Variants in STON2 observed in about 807,000 individuals in gnomAD.
STON2 encodes stonin 2.
In STON2, 29 loss-of-function variants were observed where a neutral mutation model predicts 65.7. The observed-to-expected ratio is 0.44, with a 90% CI of 0.33 to 0.60. The LOEUF is 0.60. Ranked by LOEUF, STON2 falls within the 20% of genes least tolerant of loss-of-function variation. The pLI is 0.03. For synonymous variants in STON2, 404 were observed against 414.2 expected, an observed-to-expected ratio of 0.98 and a Z score of 0.30; for missense variants, 1,054 against 1,118.1, an observed-to-expected ratio of 0.94 and a Z score of 0.82.
In STON2 at chr14:81,277,307, A is replaced by G; in HGVS notation, c.2175T>C (p.Asp725=). The G allele has an allele frequency of 6.2e-7, 1 of 1,614,214 alleles. No homozygotes were observed. Among genetic ancestry groups the G allele is most frequent in the Non-Finnish European group, 8.5e-7 (1 of 1,180,036 alleles). Residue 725 remains aspartate, a synonymous_variant, in exon 6 of 8, where the codon GAT becomes GAC. Transcript: ENST00000614646. ...ACCGCATTAGCTCAAACCGGCACGC[A>G]TCCAAAGGGTTGAACAGAATGACCC... The part of the protein sequence containing the change: ...NSRVILFNPL[D]ACRFELMRFR...
At chr14:81,321,220 C>G (rs571090255) in intron 5 of STON2, among the ~76,000 whole-genome samples, 3 of 152,006 alleles carry the variant, frequency 2.0e-5, no homozygotes, top group African/African-American at 7.2e-5. Context: ...TGGATGGCTC[C>G]GCTCAAATTC....
chr14:81,275,314 T>C (rs1894771035), intron 6 of STON2, among the ~76,000 whole-genome samples: 1 of 152,148 alleles, frequency 6.6e-6, no homozygotes, highest in African/African-American at 2.4e-5. Flanking sequence ...ACCAGTGATA[T>C]ATTAAGAAAA....
chr14:81,282,349 C>T (rs968651718), intron 5 of STON2, among the ~76,000 whole-genome samples: 2 of 152,146 alleles, frequency 1.3e-5, no homozygotes, highest in Non-Finnish European at 1.5e-5. Flanking sequence ...AAATTGCCTG[C>T]GTTTCAATTC....
Position 81,278,152 on chromosome 14 carries a change from G to GT in STON2, c.1329dup (p.Gln444ThrfsTer5). On this transcript the variant is annotated frameshift_variant, in exon 6 of 8. Coordinates refer to ENST00000614646, the MANE Select transcript of STON2 (RefSeq NM_001394390.1). LOFTEE classifies it high-confidence loss of function. ...TGATCAGGGTCATCAATTTGGAGTT[G>GT]TTTGAGTTTTTCAACAGCATCAGAG... The GT allele has an allele frequency of 3.1e-6, 5 of 1,614,176 alleles. No individual in the cohort carries two copies. Among genetic ancestry groups the GT allele is most frequent in the Non-Finnish European group, 4.2e-6 (5 of 1,180,038 alleles).
In STON2 at chr14:81,270,843, G is replaced by A; in HGVS notation, c.2611C>T (p.His871Tyr). The change falls in exon 7 of 8, where the codon CAC (histidine) becomes TAC (tyrosine). Residue 871 changes from histidine (H) to tyrosine (Y), a missense_variant. Physicochemically the swap from His to Tyr is moderately conservative, Grantham distance 83. Coordinates refer to ENST00000614646, the MANE Select transcript of STON2 (RefSeq NM_001394390.1). The stretch of plus-strand genomic sequence containing the variant: ...TCCCGGTCAGAGCCGAGTTCAAGGT[G>A]GCAAAAGAAACAGTGTGGGTGACCG... The part of the protein sequence containing the change: ...ASGHPHCFFC[H>Y]LELGSDREVP... 6.2e-7 allele frequency: 1 copy of A among 1,613,514 alleles called. No individual in the cohort carries two copies. Among genetic ancestry groups the A allele is most frequent in the Non-Finnish European group, 8.5e-7 (1 of 1,180,034 alleles).
intron 4 of STON2, among the ~76,000 whole-genome samples, chr14:81,348,873 C>CATTTA (rs76595908): frequency 6.6e-6 from 1 of 151,768 alleles, no homozygotes; most frequent in Non-Finnish European, 1.5e-5. Context: ...AGTGACTAAA[C>CATTTA]AGCATGGTAA....
intron 3 of STON2, among the ~76,000 whole-genome samples, chr14:81,375,176 T>C (rs1292517165): frequency 6.6e-6 from 1 of 151,470 alleles, no homozygotes; most frequent in Non-Finnish European, 1.5e-5. Context: ...ACTATAAATA[T>C]CCTTAAAGGA....
At chr14:81,282,420 G>A (rs1459001767) in intron 5 of STON2, among the ~76,000 whole-genome samples, 1 of 152,028 alleles carries the variant, frequency 6.6e-6, no homozygotes, top group Admixed American at 6.6e-5. Flanking sequence ...CTCTATCTCA[G>A]TTTTCCTATA....
At position 81,343,342 on chromosome 14, in the gene STON2, C is replaced by T. The variant is rs541869085; in HGVS notation, c.572-19155G>A. ...GCTCAAACTAACAATGTGTTGCTTG[C>T]GGCAACCAATTTGTACAAACAAATC... On this transcript the variant is annotated intron_variant, in intron 4 of 7. Coordinates refer to ENST00000614646, the MANE Select transcript of STON2 (RefSeq NM_001394390.1). Among the ~76,000 whole-genome samples, 18 of 152,248 alleles carry T rather than the reference C, an allele frequency of 1.2e-4. No homozygotes were observed. In the South Asian group the frequency reaches 1.5e-3, roughly 12 times the overall value.
intron 5 of STON2, among the ~76,000 whole-genome samples, chr14:81,279,880 G>A (rs1049722410): frequency 1.3e-5 from 2 of 152,140 alleles, no homozygotes; most frequent in Non-Finnish European, 2.9e-5. Context: ...CAATGACTTA[G>A]TAATTCTACC....
Position 81,267,704 on chromosome 14 carries a change from A to T in STON2, c.*710T>A. The T allele has an allele frequency of 2.0e-6, 2 of 985,392 alleles. No homozygotes were observed. The highest frequency in any genetic ancestry group is 2.4e-6 in the Non-Finnish European group (2 of 829,926). The allele number at this position is 985,392 out of a possible 1,614,324, so 61.0% of individuals were successfully genotyped here. A position where few individuals can be genotyped will look rare whatever the true frequency, so the allele number is the denominator to read the frequency against. On this transcript the variant is annotated 3_prime_UTR_variant, in exon 8 of 8. Coordinates refer to ENST00000614646, the MANE Select transcript of STON2 (RefSeq NM_001394390.1). The stretch of plus-strand genomic sequence containing the variant: ...CTTCCCCTCAACACCCATTTTGCAG[A>T]ATGTGGGTCCATTCACAAAATTAAA...
chr14:81,396,750 A>T (rs75078720), intron 2 of STON2, among the ~76,000 whole-genome samples: 1 of 116,982 alleles, frequency 8.5e-6, no homozygotes, highest in South Asian at 2.6e-4. Flanking sequence ...GCCTTCAAAA[A>T]TTTTTTTTTT....
At chr14:81,289,906 G>C (rs945438865) in intron 5 of STON2, among the ~76,000 whole-genome samples, 1 of 152,130 alleles carries the variant, frequency 6.6e-6, no homozygotes, top group Non-Finnish European at 1.5e-5. Context: ...TGGTTATGTT[G>C]GTGAATAACA....
chr14:81,317,907 A>G (rs1188013605), intron 5 of STON2, among the ~76,000 whole-genome samples: 1 of 152,102 alleles, frequency 6.6e-6, no homozygotes, highest in Non-Finnish European at 1.5e-5. Flanking sequence ...CCATCTCTGC[A>G]GCTATCAAGT....
At chr14:81,428,120 G>A (rs554828303) in intron 1 of STON2, among the ~76,000 whole-genome samples, 1 of 152,334 alleles carries the variant, frequency 6.6e-6, no homozygotes, top group South Asian at 2.1e-4. Context: ...AGCAGTGGAC[G>A]TAAAACTCAA....
chr14:81,427,271 G>C (rs1247821715), intron 1 of STON2: 1 of 152,152 alleles, frequency 6.6e-6, no homozygotes, highest in East Asian at 1.9e-4. Context: ...CTTTCTTATA[G>C]CCAGGACCCA....
At chr14:81,432,098 T>TCTGGTAAACCA (rs1160091160) in intron 1 of STON2, among the ~76,000 whole-genome samples, 2 of 152,168 alleles carry the variant, frequency 1.3e-5, no homozygotes, top group Admixed American at 1.3e-4. Context: ...TTACATGCTC[T>TCTGGTAAACCA]CTGTCACATG....
At chr14:81,368,005 A>G (rs1160004045) in intron 4 of STON2, among the ~76,000 whole-genome samples, 1 of 152,260 alleles carries the variant, frequency 6.6e-6, no homozygotes, top group African/African-American at 2.4e-5. Context: ...ATATCTGTCA[A>G]GGACATATGG....
chr14:81,366,228 T>C (rs1052606778), intron 4 of STON2, among the ~76,000 whole-genome samples: 18 of 151,536 alleles, frequency 1.2e-4, no homozygotes, highest in African/African-American at 4.4e-4. Flanking sequence ...TGTAGGCTGA[T>C]CACAGAGTCT....
Sources: gnomAD v4.1 joint callset for allele counts (sites outside exome capture counted in the v4.1 genomes callset) on GRCh38, gnomAD v4.1.1 for gene constraint, MANE v1.5 for transcripts, NCBI Gene and HGNC (gene_info 2026-07-23, HGNC 2026-07-21) for gene names.